ZNF83: variants seen among roughly 807,000 people sequenced by gnomAD.
ZNF83 encodes zinc finger protein 83.
For synonymous variants in ZNF83, 209 were observed against 213.0 expected (o/e 0.98, Z 0.17); for missense variants, 552 against 629.9 (o/e 0.88, Z 1.32).
intron 2 of ZNF83, among the ~76,000 whole-genome samples, chr19:52,659,268 C>T (rs773179597): frequency 3.3e-5 from 5 of 152,056 alleles, no homozygotes; most frequent in African/African-American, 4.8e-5. Context: ...ATGAGGAACG[C>T]GACCCCCGAA....
intron 2 of ZNF83, chr19:52,655,721 G>C: frequency 2.4e-6 from 2 of 848,732 alleles, no homozygotes. Flanking sequence ...CAAAACATTA[G>C]GGAGGAGTCA....
intron 2 of ZNF83, among the ~76,000 whole-genome samples, chr19:52,656,580 G>A (rs919056683): frequency 3.3e-5 from 5 of 151,458 alleles, no homozygotes; most frequent in Admixed American, 3.3e-4. Context: ...CTAAAACCAT[G>A]GGCTTGGCTT....
chr19:52,661,954 G>A lies in ZNF83; in HGVS notation c.-282-1111C>T, dbSNP rs558681762. Among the ~76,000 whole-genome samples the A allele has an allele frequency of 1.3e-4, 20 of 152,282 alleles. No homozygotes were observed. In the South Asian group the frequency reaches 3.5e-3, roughly 27 times the overall value. On this transcript the variant is annotated intron_variant, in intron 1 of 5. Coordinates refer to the ZNF83 transcript ENST00000594682. ...GGGACAGCCCAGGTGAAGGCCCTGA[G>A]ACAGGAGCAACCTCAGCCCCAGAAA...
intron 2 of ZNF83, among the ~76,000 whole-genome samples, chr19:52,615,876 T>G (rs910513173): frequency 6.6e-6 from 1 of 152,226 alleles, no homozygotes; most frequent in African/African-American, 2.4e-5. Flanking sequence ...CTCACTCTTG[T>G]GCCCCAGGCT....
intron 1 of ZNF83, among the ~76,000 whole-genome samples, chr19:52,664,513 A>G (rs948309230): frequency 7.2e-5 from 11 of 152,088 alleles, no homozygotes; most frequent in African/African-American, 9.7e-5. Flanking sequence ...AAAAAGAAGA[A>G]GAAGGAACCA....
chr19:52,687,395 T>A (rs1374118053), intron 1 of ZNF83, among the ~76,000 whole-genome samples: 3 of 49,062 alleles, frequency 6.1e-5, no homozygotes, highest in African/African-American at 3.3e-4. Flanking sequence ...ATATATATAA[T>A]TTATATAGCT....
chr19:52,689,814 C>CA, intron 1 of ZNF83, among the ~76,000 whole-genome samples: 1 of 152,264 alleles, frequency 6.6e-6, no homozygotes, highest in African/African-American at 2.4e-5. Flanking sequence ...AAGACGCCTG[C>CA]ATCCCGGAGG....
At chr19:52,687,181 CAAAA>C (rs755729915) in intron 1 of ZNF83, among the ~76,000 whole-genome samples, 1 of 104,338 alleles carries the variant, frequency 9.6e-6, no homozygotes. Context: ...AACTCCATCT[CAAAA>C]AAAAAAAAAA....
chr19:52,621,397 C>T (rs533199825), intron 2 of ZNF83, among the ~76,000 whole-genome samples: 6 of 152,144 alleles, frequency 3.9e-5, no homozygotes, highest in Non-Finnish European at 7.3e-5. Flanking sequence ...ATGTTTTATC[C>T]ATGAACCCAA....
upstream of ZNF83, among the ~76,000 whole-genome samples, chr19:52,641,150 C>T (rs1395973585): frequency 6.6e-6 from 1 of 151,854 alleles, no homozygotes; most frequent in Non-Finnish European, 1.5e-5. Context: ...AGGCGGCCTC[C>T]TCCCTCTTGC....
chr19:52,614,076 G>A (rs1314574455), exon 3 of ZNF83: 1 of 1,613,356 alleles, frequency 6.2e-7, no homozygotes. Context: ...GCTGTGCAAG[G>A]TGTGACATAT....
At position 52,687,438 on chromosome 19, in the gene ZNF83, AGCT is replaced by A. The variant is rs1168969644; in HGVS notation, c.-283+3002_-283+3004del. On this transcript the variant is annotated intron_variant, in intron 1 of 5. Transcript: ENST00000594682. The stretch of plus-strand genomic sequence containing the variant: ...TTATAATATAAATTATAATTTATAT[AGCT>A]ATATAAATTATAATATAAATTATAA... 1.5e-3 allele frequency among the ~76,000 whole-genome samples: 27 copies of A among 18,508 alleles called. 9 individuals are homozygous for A. Among genetic ancestry groups the A allele is most frequent in the African/African-American group, 9.4e-3 (27 of 2,884 alleles). 12.1% of individuals were successfully genotyped at this position (18,508 alleles called of 152,430 possible). A position where few individuals can be genotyped will look rare whatever the true frequency, so the allele number is the denominator to read the frequency against.
intron 1 of ZNF83, among the ~76,000 whole-genome samples, chr19:52,677,421 G>A (rs995974373): frequency 6.6e-6 from 1 of 151,974 alleles, no homozygotes; most frequent in African/African-American, 2.4e-5. Flanking sequence ...TGGCAGTGGA[G>A]GTTGCAGTGA....
chr19:52,628,086 C>A (rs745313840), intron 2 of ZNF83, among the ~76,000 whole-genome samples: 1 of 152,108 alleles, frequency 6.6e-6, no homozygotes, highest in African/African-American at 2.4e-5. Flanking sequence ...CCCTATCTAT[C>A]TCCCTTTACT....
chr19:52,624,008 A>G (rs1600165068), intron 2 of ZNF83, among the ~76,000 whole-genome samples: 1 of 151,654 alleles, frequency 6.6e-6, no homozygotes, highest in Admixed American at 6.6e-5. Flanking sequence ...ATTCCCCTGC[A>G]CCCCTCATCC....
chr19:52,652,625 C>A, intron 3 of ZNF83: 1 of 467,382 alleles, frequency 2.1e-6, no homozygotes, highest in Non-Finnish European at 4.3e-6. Flanking sequence ...AAATATCTGC[C>A]ACATTTACTA....
intron 2 of ZNF83, among the ~76,000 whole-genome samples, 174 bp from the exon 3 acceptor site, chr19:52,614,971 T>C (rs61127051): frequency 0.016 from 2,510 of 152,264 alleles, 61 homozygotes; most frequent in African/African-American, 0.054. Flanking sequence ...TATTTTCTAA[T>C]AGAGAAAGGG....
chr19:52,676,198 G>A (rs1410308590), intron 1 of ZNF83, among the ~76,000 whole-genome samples: 1 of 152,198 alleles, frequency 6.6e-6, no homozygotes, highest in African/African-American at 2.4e-5. Flanking sequence ...GGTTGGGCTG[G>A]TCTCCAGCTC....
At chr19:52,662,127 T>C (rs927354088) in intron 1 of ZNF83, among the ~76,000 whole-genome samples, 1 of 152,250 alleles carries the variant, frequency 6.6e-6, no homozygotes, top group Non-Finnish European at 1.5e-5. Context: ...TTGGAAATGA[T>C]GTATTTTCTC....
Sources: gnomAD v4.1 joint callset for allele counts (sites outside exome capture counted in the v4.1 genomes callset) on GRCh38, gnomAD v4.1.1 for gene constraint, MANE v1.5 for transcripts, NCBI Gene and HGNC (gene_info 2026-07-23, HGNC 2026-07-21) for gene names.